The following ANKHD1 variants were observed in gnomAD, a reference collection of about 807,000 sequenced individuals.
ANKHD1 encodes the protein ankyrin repeat and KH domain-containing protein 1.
In ANKHD1, 31 loss-of-function variants were observed where a neutral mutation model predicts 230.5. The observed-to-expected ratio is 0.13, with a 90% confidence interval of 0.10 to 0.18. The LOEUF is 0.18. ANKHD1 is among the 10% of genes least tolerant of loss of function. ANKHD1 has a pLI of 1.00. For missense variants in ANKHD1, 2,256 were observed against 3,071.3 expected (o/e 0.73, Z 6.27); for synonymous variants, 1,074 against 1,117.6 (o/e 0.96, Z 0.78).
intron 9 of ANKHD1, 30 bp downstream of exon 9, chr5:140,459,385 A>C (rs1409862730): frequency 1.3e-6 from 2 of 1,517,252 alleles, no homozygotes; most frequent in Non-Finnish European, 1.8e-6. Context: ...CTTATTGCTC[A>C]GAAAGACAAA....
intron 10 of ANKHD1, among the ~76,000 whole-genome samples, chr5:140,476,953 G>GT (rs898641042): frequency 1.5e-4 from 23 of 151,398 alleles, no homozygotes; most frequent in Admixed American, 4.6e-4. Flanking sequence ...ACTGAATAAA[G>GT]TTTTTTTTTA....
rs539129327 is a variant in ANKHD1 at position 140,515,091 on chromosome 5, G to A, written c.4317+1612G>A. 9.4e-4 allele frequency among the ~76,000 whole-genome samples: 143 copies of A among 151,978 alleles called. 2 individuals carry two copies. The highest frequency in any genetic ancestry group is 3.9e-4 in the East Asian group (2 of 5,164). On this transcript the variant is annotated intron_variant, in intron 24 of 33. Transcript: ENST00000360839. ...TTAAGAGTTTGAGACCAGCCTGGCC[G>A]ACATGGAGAAACCCCGTCTCTGCTA...
At position 140,527,028 on chromosome 5, in the gene ANKHD1, A is replaced by G. The variant is rs745587137; in HGVS notation, c.5041A>G (p.Lys1681Glu). The G allele has an allele frequency of 6.2e-7, 1 of 1,613,502 alleles. No individual in the cohort carries two copies. Among genetic ancestry groups the G allele is most frequent in the South Asian group, 1.1e-5 (1 of 91,008 alleles). ...PNIKLNLTSP[K>E]RGQKREEGWK... ...CATAAAGCTGAATCTCACTAGCCCT[A>G]AAAGGGGTCAGAAAAGAGAAGAAGG... The change falls in exon 27 of 34, where the codon AAA becomes GAA. Residue 1681 changes from lysine to glutamate, a missense_variant. Lys to Glu is a moderately conservative substitution (Grantham distance 56). This residue lies in a region of ANKHD1 where 212 missense variants were observed against 257.3 expected (regional missense o/e 0.82). Transcript: ENST00000360839. This position sits in a 1 kb window ranked among gnomAD's most constrained non-coding sequence, Gnocchi z 4.5.
intron 10 of ANKHD1, among the ~76,000 whole-genome samples, chr5:140,469,818 A>G (rs936353370): frequency 1.1e-4 from 16 of 150,912 alleles, no homozygotes; most frequent in African/African-American, 3.9e-4. Context: ...ATATATATAT[A>G]TGTGTATATA....
At chr5:140,406,464 T>C (rs1770455554) in intron 1 of ANKHD1, among the ~76,000 whole-genome samples, 1 of 151,902 alleles carries the variant, frequency 6.6e-6, no homozygotes, top group African/African-American at 2.4e-5. Context: ...TTATATTTAA[T>C]ATCAGAGCCA....
Position 140,538,971 on chromosome 5 carries a change from T to C in ANKHD1, c.7457T>C (p.Leu2486Pro). ...GGTIIPSHPQLADVPGGPLFN... is the reference protein window; with the variant it reads ...GGTIIPSHPQPADVPGGPLFN... ...ACCATAATACCCTCTCATCCTCAGCTTGCTGATGTTCCAGGAGGCCCTCTG... is the reference window on the plus strand; with the variant it reads ...ACCATAATACCCTCTCATCCTCAGCCTGCTGATGTTCCAGGAGGCCCTCTG... The change falls in exon 33 of 34, where the codon CTT (leucine) becomes CCT (proline). Residue 2486 changes from leucine to proline, a missense_variant. Physicochemically the swap from Leu to Pro is moderately conservative, Grantham distance 98. Around this residue, in one of 13 missense-constraint regions of ANKHD1, gnomAD observed 778 missense variants for 966.5 expected, o/e 0.80. Transcript: ENST00000360839. 2 of 1,611,192 alleles carry C rather than the reference T, an allele frequency of 1.2e-6. No individual in the cohort carries two copies. Among genetic ancestry groups the C allele is most frequent in the Middle Eastern group, 1.7e-4 (1 of 6,046 alleles).
intron 14 of ANKHD1, among the ~76,000 whole-genome samples, chr5:140,488,220 T>TG (rs906166551): frequency 3.9e-5 from 6 of 152,072 alleles, no homozygotes; most frequent in African/African-American, 7.2e-5. Context: ...TTGTTTTCTT[T>TG]GGGGGGGAGT....
chr5:140,453,099 A>C (rs1158251533), intron 7 of ANKHD1, among the ~76,000 whole-genome samples: 1 of 152,248 alleles, frequency 6.6e-6, no homozygotes, highest in East Asian at 1.9e-4. Context: ...GATTCGATCA[A>C]CTGGAAGAAA....
In ANKHD1 at chr5:140,528,298, C is replaced by T. The variant is rs1753687364; in HGVS notation, c.5352C>T (p.Ser1784=). ...IPKNHIRTPA[S]TKSIHANFSS... Reference sequence around the variant, plus strand: ...AAAATCATATCAGAACACCTGCCAGCACCAAATCAATTCATGCTAACTTCT... The same window carrying T: ...AAAATCATATCAGAACACCTGCCAGTACCAAATCAATTCATGCTAACTTCT... The change falls in exon 29 of 34, where the codon AGC becomes AGT. Residue 1784 remains serine (S), a synonymous_variant. Coordinates refer to ENST00000360839, the MANE Select transcript of ANKHD1 (RefSeq NM_017747.3). 1 of 1,613,878 alleles carries T rather than the reference C, an allele frequency of 6.2e-7. No homozygotes were observed. The highest frequency in any genetic ancestry group is 1.1e-5 in the South Asian group (1 of 91,080).
intron 25 of ANKHD1, among the ~76,000 whole-genome samples, 179 bp from the exon 26 acceptor site, chr5:140,525,817 C>T (rs1380059032): frequency 6.9e-6 from 1 of 144,034 alleles, no homozygotes; most frequent in African/African-American, 2.6e-5. Context: ...GCCTAGGCGA[C>T]AGAGCAAGAC....
chr5:140,429,255 G>A (rs909160530), intron 1 of ANKHD1, among the ~76,000 whole-genome samples: 7 of 149,700 alleles, frequency 4.7e-5, no homozygotes, highest in Admixed American at 6.7e-5. Flanking sequence ...CACCACGCCC[G>A]GCTAATTTTT....
intron 10 of ANKHD1, among the ~76,000 whole-genome samples, chr5:140,469,813 T>C (rs1776363699): frequency 1.3e-5 from 2 of 150,894 alleles, no homozygotes; most frequent in Admixed American, 6.6e-5. Flanking sequence ...TTTAAATATA[T>C]ATATATGTGT....
intron 1 of ANKHD1, among the ~76,000 whole-genome samples, chr5:140,404,385 G>A (rs1319271273): frequency 6.6e-6 from 1 of 152,008 alleles, no homozygotes; most frequent in Non-Finnish European, 1.5e-5. Flanking sequence ...TGTCATGGGT[G>A]AGATGAAAGG....
intron 7 of ANKHD1, among the ~76,000 whole-genome samples, 169 bp downstream of exon 7, chr5:140,449,474 C>A (rs1774537714): frequency 6.6e-6 from 1 of 152,040 alleles, no homozygotes; most frequent in Admixed American, 6.6e-5. Flanking sequence ...ACCAGCCTGG[C>A]CAGTATGGTG....
chr5:140,428,748 T>C (rs1353536827), intron 1 of ANKHD1, among the ~76,000 whole-genome samples: 1 of 152,202 alleles, frequency 6.6e-6, no homozygotes, highest in Non-Finnish European at 1.5e-5. Context: ...TGTTTTGTTT[T>C]TTTAAATTAA....
intron 9 of ANKHD1, among the ~76,000 whole-genome samples, chr5:140,463,492 T>C (rs960228654): frequency 2.6e-5 from 4 of 152,176 alleles, no homozygotes; most frequent in African/African-American, 9.7e-5. Flanking sequence ...ATGCTATTTA[T>C]GCTTATTTAG....
At chr5:140,490,860 C>T (rs1751741189) in intron 14 of ANKHD1, among the ~76,000 whole-genome samples, 1 of 151,636 alleles carries the variant, frequency 6.6e-6, no homozygotes. Flanking sequence ...CTTTTGCTTG[C>T]TCCCCTCCCC....
chr5:140,458,981 C>CATATATATATATAT (rs1335940395), intron 8 of ANKHD1, 119 bp downstream of exon 8: 8 of 22,834 alleles, frequency 3.5e-4, no homozygotes, highest in African/African-American at 4.6e-4. Context: ...TATATATATG[C>CATATATATATATAT]ATATATATAT....
chr5:140,511,494 G>A (rs774022173), intron 22 of ANKHD1, among the ~76,000 whole-genome samples: 6 of 152,074 alleles, frequency 3.9e-5, no homozygotes, highest in Non-Finnish European at 5.9e-5. Flanking sequence ...CACCAAATCT[G>A]AAAAAGGTCC....
Sources: allele counts gnomAD v4.1 joint callset (sites outside exome capture counted in the v4.1 genomes callset), GRCh38; gene constraint gnomAD v4.1.1; regional missense constraint gnomAD v4.1.1; non-coding constraint Gnocchi (gnomAD v3.1); transcripts MANE v1.5; gene names NCBI Gene and HGNC (gene_info 2026-07-23, HGNC 2026-07-21).